PHF24: variants seen among roughly 807,000 people sequenced by gnomAD.
The protein encoded by PHF24 is PHD finger protein 24.
Under a neutral mutation model 42.6 loss-of-function variants are expected in PHF24, and 25 were observed. That is an observed-to-expected ratio of 0.59 (90% CI 0.43 to 0.82). The LOEUF (loss-of-function observed/expected upper bound fraction) is 0.82. Ranked by LOEUF, PHF24 falls within the 40% of genes least tolerant of loss-of-function variation. PHF24 has a pLI of 0.00. For missense variants in PHF24, 470 were observed against 538.1 expected, an observed-to-expected ratio of 0.87 and a Z score of 1.25; for synonymous variants, 185 against 204.8, an observed-to-expected ratio of 0.90 and a Z score of 0.83.
chr9:34,760,224 A>G, the PHF24 span, among the ~76,000 whole-genome samples: 7 of 152,358 alleles, frequency 4.6e-5, no homozygotes, highest in Non-Finnish European at 7.3e-5. Context: ...ATAATGCTGC[A>G]GAGCCACAAT....
the PHF24 span, among the ~76,000 whole-genome samples, chr9:34,764,690 C>G: frequency 1.3e-5 from 2 of 152,036 alleles, no homozygotes; most frequent in African/African-American, 2.4e-5. Flanking sequence ...TTTTGTGTCT[C>G]TATTTCCTTC....
chr9:34,931,883 G>A, the PHF24 span, among the ~76,000 whole-genome samples: 1 of 152,210 alleles, frequency 6.6e-6, no homozygotes, highest in Non-Finnish European at 1.5e-5. Flanking sequence ...TGGGAAAAGA[G>A]GGCAAGAGGC....
chr9:34,971,179 C>T (rs1457134285), intron 1 of PHF24, 116 bp from the exon 2 acceptor site: 3 of 1,097,956 alleles, frequency 2.7e-6, no homozygotes, highest in Middle Eastern at 5.4e-4. Context: ...CCACCCCCAC[C>T]ATGTTCTAGA....
intron 1 of PHF24, among the ~76,000 whole-genome samples, chr9:34,966,517 C>T (rs548315813): frequency 2.2e-4 from 33 of 152,106 alleles, no homozygotes; most frequent in African/African-American, 6.7e-4. Flanking sequence ...ACCTGTAGTC[C>T]CAGCTATGTG....
At chr9:34,862,125 A>G in the PHF24 span, among the ~76,000 whole-genome samples, 1 of 152,118 alleles carries the variant, frequency 6.6e-6, no homozygotes, top group South Asian at 2.1e-4. Context: ...CCAGAGGGAA[A>G]TCACCCATCC....
the PHF24 span, among the ~76,000 whole-genome samples, chr9:34,877,886 C>T: frequency 6.6e-6 from 1 of 152,020 alleles, no homozygotes; most frequent in Non-Finnish European, 1.5e-5. Context: ...TCTCCCCCTC[C>T]CTGACAGACC....
the PHF24 span, among the ~76,000 whole-genome samples, chr9:34,722,115 C>A: frequency 1.3e-5 from 2 of 152,158 alleles, no homozygotes; most frequent in African/African-American, 4.8e-5. Context: ...CCAGGACCCT[C>A]CCTGAGGACC....
At chr9:34,884,571 G>T in the PHF24 span, among the ~76,000 whole-genome samples, 1 of 152,112 alleles carries the variant, frequency 6.6e-6, no homozygotes, top group Non-Finnish European at 1.5e-5. Context: ...CAGAGCATGT[G>T]GAAATTTAGG....
chr9:34,964,842 C>T (rs1826713697), intron 1 of PHF24, among the ~76,000 whole-genome samples: 1 of 152,200 alleles, frequency 6.6e-6, no homozygotes, highest in African/African-American at 2.4e-5. Flanking sequence ...TATATACCAT[C>T]ACCTGCTCCT....
the PHF24 span, among the ~76,000 whole-genome samples, chr9:34,788,951 T>C: frequency 6.6e-6 from 1 of 152,180 alleles, no homozygotes; most frequent in African/African-American, 2.4e-5. Flanking sequence ...AAAAATGTCC[T>C]AAGATATACA....
the PHF24 span, among the ~76,000 whole-genome samples, chr9:34,815,409 G>A: frequency 7.9e-5 from 12 of 152,104 alleles, no homozygotes; most frequent in African/African-American, 1.9e-4. Flanking sequence ...TGCGAGCTCC[G>A]CCTCCTGGGT....
the PHF24 span, among the ~76,000 whole-genome samples, chr9:34,878,691 T>C: frequency 6.6e-6 from 1 of 152,142 alleles, no homozygotes; most frequent in East Asian, 1.9e-4. Context: ...TTGCTGAGGC[T>C]TGAGTAGGTA....
the PHF24 span, among the ~76,000 whole-genome samples, chr9:34,766,710 A>G: frequency 6.6e-6 from 1 of 152,334 alleles, no homozygotes; most frequent in East Asian, 1.9e-4. Context: ...CGTCAAAGTC[A>G]TTCTCCGTCC....
At chr9:34,703,275 TCTC>T in the PHF24 span, among the ~76,000 whole-genome samples, 1 of 152,030 alleles carries the variant, frequency 6.6e-6, no homozygotes, top group African/African-American at 2.4e-5. Context: ...TTCAAGCAAT[TCTC>T]CTGCCTCAGC....
At chr9:34,675,674 G>T in the PHF24 span, among the ~76,000 whole-genome samples, 1 of 152,132 alleles carries the variant, frequency 6.6e-6, no homozygotes, top group African/African-American at 2.4e-5. Flanking sequence ...CACTGCCAGG[G>T]TTTCCTCAAT....
the PHF24 span, among the ~76,000 whole-genome samples, chr9:34,947,721 A>T: frequency 2.0e-5 from 3 of 152,154 alleles, no homozygotes; most frequent in Non-Finnish European, 4.4e-5. Context: ...GATATTAATG[A>T]TCCTGACTCT....
the PHF24 span, chr9:34,726,741 A>G: frequency 6.4e-7 from 1 of 1,551,702 alleles, no homozygotes; most frequent in African/African-American, 1.4e-5. Context: ...GGGGTTACAG[A>G]TGACAGTGAA....
chr9:34,841,675 T>G, the PHF24 span, among the ~76,000 whole-genome samples: 2 of 152,086 alleles, frequency 1.3e-5, no homozygotes, highest in Non-Finnish European at 1.5e-5. Context: ...CTGTCAAACA[T>G]GGTGAAACCC....
upstream of PHF24, among the ~76,000 whole-genome samples, chr9:34,956,263 C>A (rs1188788978): frequency 6.6e-6 from 1 of 152,096 alleles, no homozygotes; most frequent in African/African-American, 2.4e-5. Context: ...ACACAATGTA[C>A]TTTTGTGTGT....
Sources: gnomAD v4.1 joint callset for allele counts (sites outside exome capture counted in the v4.1 genomes callset) on GRCh38, gnomAD v4.1.1 for gene constraint, MANE v1.5 for transcripts, NCBI Gene and HGNC (gene_info 2026-07-23, HGNC 2026-07-21) for gene names.